The following FNBP4 variants were observed in gnomAD, a reference collection of about 807,000 sequenced individuals.
The protein encoded by FNBP4 is formin-binding protein 4.
FNBP4 carries 34 observed loss-of-function variants against 119.3 expected under a neutral mutation model. That is an observed-to-expected ratio of 0.28 (90% CI 0.22 to 0.38). The LOEUF (loss-of-function observed/expected upper bound fraction) is 0.38. Ranked by LOEUF, FNBP4 falls within the 10% of genes least tolerant of loss-of-function variation. The probability of loss-of-function intolerance (pLI) is 1.00; values close to 1 mark genes in which losing one functional copy is unlikely to be tolerated. For missense variants in FNBP4, 1,112 were observed against 1,228.9 expected (o/e 0.90, Z 1.42); for synonymous variants, 462 against 430.6 (o/e 1.07, Z -0.90).
At chr11:47,756,347 C>G (rs1227079086) in intron 2 of FNBP4, among the ~76,000 whole-genome samples, 4 of 152,118 alleles carry the variant, frequency 2.6e-5, no homozygotes, top group Non-Finnish European at 4.4e-5. Context: ...ACATTCTACG[C>G]TCACTAAAAA....
chr11:47,755,315 G>A (rs1185628578), intron 2 of FNBP4, among the ~76,000 whole-genome samples: 1 of 150,840 alleles, frequency 6.6e-6, no homozygotes, highest in Non-Finnish European at 1.5e-5. Context: ...CAGGTGTGGT[G>A]GCACATGCCT....
intron 2 of FNBP4, among the ~76,000 whole-genome samples, chr11:47,764,825 G>A (rs1400861060): frequency 6.6e-6 from 1 of 152,144 alleles, no homozygotes; most frequent in Non-Finnish European, 1.5e-5. Flanking sequence ...CCAGAGTGAT[G>A]AATTGAACCC....
chr11:47,754,435 GA>G, intron 3 of FNBP4, 92 bp downstream of exon 3: 1 of 1,168,682 alleles, frequency 8.6e-7, no homozygotes, highest in Admixed American at 2.1e-5. Context: ...AAAGGAGGAG[GA>G]AGACATTGAA....
chr11:47,744,248 G>A, intron 7 of FNBP4, 85 bp from the exon 8 acceptor site: 1 of 1,224,502 alleles, frequency 8.2e-7, no homozygotes, highest in African/African-American at 1.5e-5. Flanking sequence ...CTATGTTGTT[G>A]AAATTTAAAT....
chr11:47,747,683 C>T (rs2097593304), intron 6 of FNBP4, among the ~76,000 whole-genome samples: 1 of 152,114 alleles, frequency 6.6e-6, no homozygotes, highest in Non-Finnish European at 1.5e-5. Flanking sequence ...GGCGCAGTGG[C>T]TCATGCCTGT....
At position 47,765,262 on chromosome 11, in the gene FNBP4, A is replaced by G. The variant is rs1485962116; in HGVS notation, c.313+8T>C. On this transcript the variant is annotated splice_region_variant and intron_variant, in intron 2 of 16. Transcript: ENST00000263773. ...AGAAAAAATGTAAAAAACAAAACAAAAGCATACCTGTTGCTTTAACAGCTG... is the reference window on the plus strand; with the variant it reads ...AGAAAAAATGTAAAAAACAAAACAAGAGCATACCTGTTGCTTTAACAGCTG... 1 of 1,586,380 alleles carries G rather than the reference A, an allele frequency of 6.3e-7. No individual in the cohort carries two copies. The highest frequency in any genetic ancestry group is 1.4e-5 in the African/African-American group (1 of 73,552).
intron 6 of FNBP4, among the ~76,000 whole-genome samples, chr11:47,747,167 T>C (rs2097592172): frequency 6.6e-6 from 1 of 152,058 alleles, no homozygotes; most frequent in Non-Finnish European, 1.5e-5. Flanking sequence ...GCCTCCCAAG[T>C]AGCTGGGATT....
chr11:47,754,128 G>A (rs548051095), intron 3 of FNBP4, among the ~76,000 whole-genome samples: 1 of 151,502 alleles, frequency 6.6e-6, no homozygotes, highest in Non-Finnish European at 1.5e-5. Flanking sequence ...TCAGCTACTT[G>A]AACCCAGGAG....
intron 12 of FNBP4, among the ~76,000 whole-genome samples, chr11:47,730,504 A>C (rs1455321036): frequency 6.6e-6 from 1 of 152,230 alleles, no homozygotes; most frequent in African/African-American, 2.4e-5. Context: ...TCAGGGAGCC[A>C]GTAGAGTACA....
intron 8 of FNBP4, 103 bp from the exon 9 acceptor site, chr11:47,736,843 T>C: frequency 9.3e-7 from 1 of 1,069,772 alleles, no homozygotes; most frequent in Non-Finnish European, 1.3e-6. Flanking sequence ...ATTAGTTCTT[T>C]CTCTCTTGCC....
At chr11:47,736,866 T>G in intron 8 of FNBP4, 126 bp from the exon 9 acceptor site, 1 of 901,470 alleles carries the variant, frequency 1.1e-6, no homozygotes, top group Non-Finnish European at 1.7e-6. Flanking sequence ...TTTTACTTAC[T>G]TGTTAAAACT....
chr11:47,729,524 T>C (rs1169411429), intron 12 of FNBP4: 1 of 985,084 alleles, frequency 1.0e-6, no homozygotes, highest in Non-Finnish European at 1.2e-6. Flanking sequence ...CACTTTATTT[T>C]TGAGACAGGG....
chr11:47,718,463 C>A (rs922496393), intron 16 of FNBP4, among the ~76,000 whole-genome samples: 6 of 150,848 alleles, frequency 4.0e-5, no homozygotes, highest in African/African-American at 1.5e-4. Context: ...CCACCCACCT[C>A]GGCTTCCCAA....
In FNBP4 at chr11:47,763,514, G is replaced by C. The variant is rs967562664; in HGVS notation, c.313+1756C>G. On this transcript the variant is annotated intron_variant, in intron 2 of 16. Coordinates refer to ENST00000263773, the MANE Select transcript of FNBP4 (RefSeq NM_015308.5). ...ATAGTGTTTTGTTTTGTTTTGTTTT[G>C]TTTTGAGACGGAGTCTTGCTCTGTC... Among the ~76,000 whole-genome samples the C allele has an allele frequency of 7.3e-5, 11 of 151,030 alleles. No individual in the cohort carries two copies. The East Asian group carries it at 2.2e-3, about 30-fold the overall frequency.
intron 12 of FNBP4, chr11:47,726,306 G>C (rs2097560836): frequency 6.6e-6 from 1 of 151,944 alleles, no homozygotes; most frequent in Non-Finnish European, 1.5e-5. Context: ...TGCGATCATA[G>C]CTCATTCTAA....
At chr11:47,733,848 A>G (rs370312168) in intron 10 of FNBP4, among the ~76,000 whole-genome samples, 177 bp downstream of exon 10, 1 of 152,178 alleles carries the variant, frequency 6.6e-6, no homozygotes, top group Non-Finnish European at 1.5e-5. Context: ...AAAAAAGTCT[A>G]TTTACTGTGC....
chr11:47,732,117 C>T lies in FNBP4; in HGVS notation c.1820+420G>A. On this transcript the variant is annotated intron_variant, in intron 11 of 16. Transcript: ENST00000263773. The surrounding 1 kb of genome is among the most constrained non-coding windows in gnomAD (Gnocchi z 4.2). The stretch of plus-strand genomic sequence containing the variant: ...ATATAAAGAAATGTTTTCATCTGAC[C>T]TGCTGGCAGAGGATAGTAATCTTGT... The T allele has an allele frequency of 1.0e-6, 1 of 998,834 alleles. No individual in the cohort carries two copies. The highest frequency in any genetic ancestry group is 1.2e-6 in the Non-Finnish European group (1 of 838,996). The allele number at this position is 998,834 out of a possible 1,614,324, so 61.9% of individuals were successfully genotyped here. A position where few individuals can be genotyped will look rare whatever the true frequency, so the allele number is the denominator to read the frequency against.
At chr11:47,754,448 T>A in intron 3 of FNBP4, 80 bp downstream of exon 3, 1 of 1,401,256 alleles carries the variant, frequency 7.1e-7, no homozygotes, top group South Asian at 1.3e-5. Flanking sequence ...GACATTGAAC[T>A]GACAAGTACG....
chr11:47,729,466 C>T (rs2097564972), intron 12 of FNBP4: 1 of 985,300 alleles, frequency 1.0e-6, no homozygotes, highest in Non-Finnish European at 1.2e-6. Flanking sequence ...ATAAATAGAA[C>T]TTTGAAACTT....
Sources: allele counts gnomAD v4.1 joint callset (sites outside exome capture counted in the v4.1 genomes callset), GRCh38; gene constraint gnomAD v4.1.1; non-coding constraint Gnocchi (gnomAD v3.1); transcripts MANE v1.5; gene names NCBI Gene and HGNC (gene_info 2026-07-23, HGNC 2026-07-21).